RIF1: variants seen among roughly 807,000 people sequenced by gnomAD.
RIF1 encodes the protein telomere-associated protein RIF1.
In RIF1, 45 loss-of-function variants were observed where a neutral mutation model predicts 247.1. The ratio of observed to expected loss-of-function variants is 0.18; its 90% CI spans 0.14 to 0.23. The LOEUF is 0.23. Ranked by LOEUF, RIF1 falls within the 10% of genes least tolerant of loss-of-function variation. RIF1 has a pLI of 1.00. For synonymous variants in RIF1, 1,087 were observed against 978.8 expected (o/e 1.11, Z -2.06); for missense variants, 2,967 against 2,862.5 (o/e 1.04, Z -0.83).
downstream of RIF1, among the ~76,000 whole-genome samples, chr2:151,508,477 G>C (rs1356799189): frequency 2.6e-5 from 4 of 152,238 alleles, no homozygotes; most frequent in Non-Finnish European, 4.4e-5. Flanking sequence ...ATGAAGCTAT[G>C]TAGCCAGACT....
chr2:151,526,701 T>C, the RIF1 span, among the ~76,000 whole-genome samples: 243 of 152,316 alleles, frequency 1.6e-3, 1 homozygote, highest in African/African-American at 5.6e-3. Flanking sequence ...TGGTGCAGTA[T>C]AAATCGAGGA....
chr2:151,447,600 C>T (rs949863115), intron 20 of RIF1, among the ~76,000 whole-genome samples: 6 of 152,176 alleles, frequency 3.9e-5, no homozygotes, highest in Non-Finnish European at 2.9e-5. Context: ...GGCTTGAGTG[C>T]AGTGGCACGA....
Position 151,474,853 on chromosome 2 carries a change from T to G in RIF1, c.7205-4T>G. 1 of 1,464,108 alleles carries G rather than the reference T, an allele frequency of 6.8e-7. No homozygotes were observed. Among genetic ancestry groups the G allele is most frequent in the Non-Finnish European group, 9.5e-7 (1 of 1,051,510 alleles). The allele number at this position is 1,464,108 out of a possible 1,614,324, so 90.7% of individuals were successfully genotyped here. A position where few individuals can be genotyped will look rare whatever the true frequency, so the allele number is the denominator to read the frequency against. On this transcript the variant is annotated splice_region_variant and splice_polypyrimidine_tract_variant and intron_variant, in intron 35 of 35. Transcript: ENST00000444746. Reference sequence around the variant, plus strand: ...TTAATTGTGGTTTTTTTTTTCTCTTTTAGATATAATTGATCCTGTTGCTTT... The same window carrying G: ...TTAATTGTGGTTTTTTTTTTCTCTTGTAGATATAATTGATCCTGTTGCTTT...
chr2:151,454,916 G>T lies in RIF1; in HGVS notation c.2366G>T (p.Trp789Leu). Residue 789 changes from tryptophan (W) to leucine (L), a missense_variant, in exon 22 of 36, where the codon TGG becomes TTG. Physicochemically the swap from Trp to Leu is moderately conservative, Grantham distance 61. This residue lies in a region of RIF1 where 2,028 missense variants were observed against 1,825.6 expected (regional missense o/e 1.11). Coordinates refer to ENST00000444746, the MANE Select transcript of RIF1 (RefSeq NM_018151.5). ...KVKSPQRPSDWSKKKNEPLGK... is the reference protein window; with the variant it reads ...KVKSPQRPSDLSKKKNEPLGK... ...TTAGCACCACAGAGACCTTCAGATT[G>T]GTCCAAAAAGAAGAATGAGCCCCTA... 1 of 1,607,078 alleles carries T rather than the reference G, an allele frequency of 6.2e-7. No homozygotes were observed. Among genetic ancestry groups the T allele is most frequent in the South Asian group, 1.1e-5 (1 of 89,788 alleles).
chr2:151,502,734 G>T (rs2065661459), intron 11 of RIF1: 2 of 888,308 alleles, frequency 2.3e-6, no homozygotes, highest in East Asian at 2.6e-5. Context: ...CATTTGTAAG[G>T]TGTTATTATT....
At chr2:151,411,192 T>G in intron 2 of RIF1, 68 bp from the exon 3 acceptor site, 2 of 934,088 alleles carry the variant, frequency 2.1e-6, no homozygotes, top group Non-Finnish European at 3.4e-6. Flanking sequence ...AGATTGTACA[T>G]GTATTTTTGA....
the RIF1 span, chr2:151,534,371 C>T: frequency 6.6e-7 from 1 of 1,504,888 alleles, no homozygotes; most frequent in Non-Finnish European, 9.2e-7. Flanking sequence ...CAAGGCTACA[C>T]AAAAATGTCT....
In RIF1 at chr2:151,462,402, T is replaced by C; in HGVS notation, c.3309-10T>C. ...TATAAAAATAATATTCTTACTAATA[T>C]TTATTTCAGGGAAATTCCTACTTTA... On this transcript the variant is annotated splice_polypyrimidine_tract_variant and intron_variant, in intron 28 of 35. Transcript: ENST00000444746. The C allele has an allele frequency of 1.3e-6, 2 of 1,511,020 alleles. No homozygotes were observed. The highest frequency in any genetic ancestry group is 1.8e-6 in the Non-Finnish European group (2 of 1,111,970). 93.6% of individuals were successfully genotyped at this position (1,511,020 alleles called of 1,614,324 possible). A position where few individuals can be genotyped will look rare whatever the true frequency, so the allele number is the denominator to read the frequency against.
At chr2:151,492,062 A>G in intron 9 of RIF1, 3 of 1,598,756 alleles carry the variant, frequency 1.9e-6, no homozygotes, top group Non-Finnish European at 2.6e-6. Context: ...CCCCTCACTT[A>G]AAGTTAATCC....
intron 10 of RIF1, chr2:151,497,900 G>C (rs1235808302): frequency 2.7e-6 from 4 of 1,481,488 alleles, no homozygotes; most frequent in African/African-American, 2.9e-5. Flanking sequence ...CTCTAGAGAA[G>C]CAGGGACTTC....
intron 26 of RIF1, among the ~76,000 whole-genome samples, chr2:151,460,924 C>G (rs142258653): frequency 1.3e-5 from 2 of 152,218 alleles, no homozygotes; most frequent in East Asian, 3.9e-4. Flanking sequence ...TTCCCTACTT[C>G]GTAAAGAGGT....
intron 11 of RIF1, chr2:151,502,895 AC>A: frequency 6.7e-7 from 1 of 1,487,968 alleles, no homozygotes; most frequent in Non-Finnish European, 9.3e-7. Flanking sequence ...CCTGTGAGAT[AC>A]AAGAAAGTAC....
At chr2:151,411,802 G>T (rs1346668204) in intron 3 of RIF1, among the ~76,000 whole-genome samples, 1 of 152,148 alleles carries the variant, frequency 6.6e-6, no homozygotes, top group East Asian at 1.9e-4. Flanking sequence ...GTTACTTAAA[G>T]CTTCTCAGGT....
intron 18 of RIF1, among the ~76,000 whole-genome samples, chr2:151,444,762 T>C (rs777618416): frequency 1.3e-5 from 2 of 152,206 alleles, no homozygotes; most frequent in Non-Finnish European, 2.9e-5. Flanking sequence ...GTATGTATAG[T>C]AGAAGACTTT....
At chr2:151,419,322 G>GT (rs1286204585) in intron 6 of RIF1, among the ~76,000 whole-genome samples, 1 of 151,696 alleles carries the variant, frequency 6.6e-6, no homozygotes, top group African/African-American at 2.4e-5. Flanking sequence ...TTTATTTTTT[G>GT]TTTTTTTATT....
chr2:151,463,449 C>T lies in RIF1; in HGVS notation c.3929C>T (p.Pro1310Leu), dbSNP rs781064820. 16 of 1,613,706 alleles carry T rather than the reference C, an allele frequency of 9.9e-6. No individual in the cohort carries two copies. Among genetic ancestry groups the T allele is most frequent in the South Asian group, 5.5e-5 (5 of 91,044 alleles). ...TCTAAGCCCTTAATGAGATCTGAGCCGGAGAAAAATACTGAGGAATCTGTT... is the reference window on the plus strand; with the variant it reads ...TCTAAGCCCTTAATGAGATCTGAGCTGGAGAAAAATACTGAGGAATCTGTT... ...KRSKPLMRSEPEKNTEESVEG... is the reference protein window; with the variant it reads ...KRSKPLMRSELEKNTEESVEG... The change falls in exon 30 of 36, where the codon CCG becomes CTG. Residue 1310 changes from proline to leucine, a missense_variant. Coordinates refer to ENST00000444746, the MANE Select transcript of RIF1 (RefSeq NM_018151.5).
At chr2:151,437,385 T>C (rs1404529061) in intron 13 of RIF1, 34 bp downstream of exon 13, 21 of 1,530,274 alleles carry the variant, frequency 1.4e-5, no homozygotes, top group Non-Finnish European at 1.8e-5. Context: ...TGCTCAAATG[T>C]GTGTTTAAAA....
rs370599158 is a variant in RIF1, at chr2:151,506,159, T to G, written c.*862-51T>G. ...AAATATTGCAAGTGCATTCACTGTGTCTTTACCGAGCTAATGTGGTCCTGT... is the reference window on the plus strand; with the variant it reads ...AAATATTGCAAGTGCATTCACTGTGGCTTTACCGAGCTAATGTGGTCCTGT... On this transcript the variant is annotated intron_variant and NMD_transcript_variant, in intron 12 of 13. Coordinates refer to the RIF1 transcript ENST00000454583. 2.5e-6 allele frequency: 4 copies of G among 1,601,060 alleles called. No homozygotes were observed. Among genetic ancestry groups the G allele is most frequent in the African/African-American group, 1.3e-5 (1 of 74,618 alleles).
At chr2:151,505,732 G>A (rs143183687) in intron 12 of RIF1, among the ~76,000 whole-genome samples, 105 of 152,286 alleles carry the variant, frequency 6.9e-4, no homozygotes, top group African/African-American at 2.4e-3. Flanking sequence ...CTGATACTGG[G>A]TAAGAGGAGA....
Sources: gnomAD v4.1 joint callset for allele counts (sites outside exome capture counted in the v4.1 genomes callset) on GRCh38, gnomAD v4.1.1 for gene constraint, gnomAD v4.1.1 regional missense constraint, MANE v1.5 for transcripts, NCBI Gene and HGNC (gene_info 2026-07-23, HGNC 2026-07-21) for gene names.